Variants in ANO8 observed in about 807,000 individuals in gnomAD.
ANO8 encodes anoctamin-8.
In ANO8, 67 loss-of-function variants were observed where a neutral mutation model predicts 120.4. The ratio of observed to expected loss-of-function variants is 0.56; its 90% CI spans 0.46 to 0.68. The LOEUF (loss-of-function observed/expected upper bound fraction) is 0.68. Among genes scored for constraint, ANO8 ranks in the 30% least tolerant of loss-of-function variants. The pLI, the probability that ANO8 is intolerant of heterozygous loss-of-function variation, is 0.00. For synonymous variants in ANO8, 727 were observed against 759.2 expected (o/e 0.96, Z 0.70); for missense variants, 1,526 against 1,737.6 (o/e 0.88, Z 2.16).
At position 17,323,311 on chromosome 19, in the gene ANO8, CTGTGTGTGTGTGTG is replaced by C. The variant is rs58263758; in HGVS notation, c.*192_*205del. 1,048 of 326,982 alleles carry C rather than the reference CTGTGTGTGTGTGTG, an allele frequency of 3.2e-3. 10 individuals are homozygous for C. The highest frequency in any genetic ancestry group is 0.016 in the African/African-American group (715 of 45,634). 20.3% of individuals were successfully genotyped at this position (326,982 alleles called of 1,614,324 possible). ...AAAAACAAATAAATAATCGCCTGTT[CTGTGTGTGTGTGTG>C]TGTGTGTGTGTGTGTGTGTTTTCTG... On this transcript the variant is annotated 3_prime_UTR_variant, in exon 18 of 18. Coordinates refer to ENST00000159087, the MANE Select transcript of ANO8 (RefSeq NM_020959.3).
chr19:17,323,988 A>T (rs1270922456), intron 17 of ANO8, 104 bp from the exon 18 acceptor site: 1 of 1,024,118 alleles, frequency 9.8e-7, no homozygotes, highest in Non-Finnish European at 1.2e-6. Context: ...AGGCACATAA[A>T]GGCCTTATTG....
At chr19:17,330,100 C>T in intron 10 of ANO8, 25 bp downstream of exon 10, 1 of 1,613,914 alleles carries the variant, frequency 6.2e-7, no homozygotes, top group Non-Finnish European at 8.5e-7. Context: ...GACCTTCCTC[C>T]CAGAGACCCC....
Position 17,328,973 on chromosome 19 carries a change from G to T in ANO8, c.1415C>A (p.Thr472Lys). The change falls in exon 13 of 18, where the codon ACG (threonine) becomes AAG (lysine). Residue 472 changes from threonine (T) to lysine (K), a missense_variant. Physicochemically the swap from Thr to Lys is moderately conservative, Grantham distance 78. Transcript: ENST00000159087. ...GAGGAACTGGCGGGTGATCAGCAGC[G>T]TGGCCAGCATCTGGGGGCAGGAAGG... is the stretch of plus-strand genomic sequence containing the variant. ...DMERLKEMLA[T>K]LLITRQFLQN... The T allele has an allele frequency of 6.7e-7, 1 of 1,499,038 alleles. No individual in the cohort carries two copies. The highest frequency in any genetic ancestry group is 8.9e-7 in the Non-Finnish European group (1 of 1,125,758). The allele number at this position is 1,499,038 out of a possible 1,614,324, so 92.9% of individuals were successfully genotyped here.
chr19:17,323,609 G>A lies in ANO8; in HGVS notation c.3607C>T (p.Pro1203Ser). Residue 1203 changes from proline to serine, a missense_variant, in exon 18 of 18, where the codon CCG becomes TCG. By Grantham distance (74) the Pro-to-Ser change is moderately conservative. Transcript: ENST00000159087. ...SFYSLPPPPL[P>S]PTSDPLETPA... ...GTCTCGAGGGGATCCGAGGTGGGCG[G>A]TAGCGGTGGGGGCGGGAGGCTGTAA... 1 of 1,160,948 alleles carries A rather than the reference G, an allele frequency of 8.6e-7. No individual in the cohort carries two copies. Among genetic ancestry groups the A allele is most frequent in the Non-Finnish European group, 1.1e-6 (1 of 929,012 alleles). The allele number at this position is 1,160,948 out of a possible 1,614,324, so 71.9% of individuals were successfully genotyped here.
rs2074252137 is a variant in ANO8, at chr19:17,323,582, G to C, written c.3634C>G (p.Pro1212Ala). 2 of 1,281,068 alleles carry C rather than the reference G, an allele frequency of 1.6e-6. No homozygotes were observed. Among genetic ancestry groups the C allele is most frequent in the Non-Finnish European group, 2.0e-6 (2 of 1,009,766 alleles). 79.4% of individuals were successfully genotyped at this position (1,281,068 alleles called of 1,614,324 possible). ...GGGCTGGGGCTAGGGGAGGGCGCTG[G>C]GGTCTCGAGGGGATCCGAGGTGGGC... ...LPPTSDPLET[P>A]APSPSPSPSP... The change falls in exon 18 of 18, where the codon CCA becomes GCA. Residue 1212 changes from proline (P) to alanine (A), a missense_variant. Around this residue, in one of 8 missense-constraint regions of ANO8, gnomAD observed 489 missense variants for 548.6 expected, o/e 0.89. Transcript: ENST00000159087.
At chr19:17,328,079 C>A in intron 13 of ANO8, 83 bp downstream of exon 13, 1 of 1,409,466 alleles carries the variant, frequency 7.1e-7, no homozygotes, top group Non-Finnish European at 9.4e-7. Context: ...TCACCACTCC[C>A]ACCCCCACGG....
chr19:17,329,388 C>T (rs530962611), intron 12 of ANO8: 3 of 365,686 alleles, frequency 8.2e-6, no homozygotes, highest in African/African-American at 6.4e-5. Flanking sequence ...CGAGGACCCA[C>T]GGGCTCGCCA....
intron 5 of ANO8, among the ~76,000 whole-genome samples, chr19:17,331,954 T>TTTTA (rs2074322177): frequency 9.4e-6 from 1 of 106,504 alleles, no homozygotes; most frequent in Non-Finnish European, 1.9e-5. Context: ...TTTTTTTTTT[T>TTTTA]AGACGGGGTC....
At chr19:17,331,717 G>A (rs1255095472) in intron 5 of ANO8, among the ~76,000 whole-genome samples, 2 of 150,110 alleles carry the variant, frequency 1.3e-5, no homozygotes, top group Non-Finnish European at 3.0e-5. Flanking sequence ...CGTGATCTCC[G>A]CTCACCGCAA....
intron 16 of ANO8, among the ~76,000 whole-genome samples, chr19:17,326,453 G>A (rs1471964652): frequency 2.0e-5 from 3 of 151,888 alleles, no homozygotes; most frequent in African/African-American, 7.3e-5. Flanking sequence ...CCGAGATTGT[G>A]CCACTGCACT....
At position 17,328,733 on chromosome 19, in the gene ANO8, G is replaced by T; in HGVS notation, c.1655C>A (p.Ala552Glu). Residue 552 changes from alanine (A) to glutamate (E), a missense_variant, in exon 13 of 18, where the codon GCG (alanine) becomes GAG (glutamate). By Grantham distance (107) the Ala-to-Glu change is moderately radical (BLOSUM62 -1). This residue lies in a region of ANO8 where 467 missense variants were observed against 425.8 expected (regional missense o/e 1.10). Transcript: ENST00000159087. The part of the protein sequence containing the change: ...GRRCLSGGCG[A>E]PEEEEEAALV... Reference sequence around the variant, plus strand: ...CGCCGCCTCCTCCTCCTCCTCCGGCGCCCCGCAGCCCCCGCTGAGGCACCT... The same window carrying T: ...CGCCGCCTCCTCCTCCTCCTCCGGCTCCCCGCAGCCCCCGCTGAGGCACCT... 1 of 1,347,852 alleles carries T rather than the reference G, an allele frequency of 7.4e-7. No individual in the cohort carries two copies. Among genetic ancestry groups the T allele is most frequent in the Non-Finnish European group, 9.5e-7 (1 of 1,051,212 alleles). 83.5% of individuals were successfully genotyped at this position (1,347,852 alleles called of 1,614,324 possible).
chr19:17,326,984 G>C (rs1251537510), intron 16 of ANO8, among the ~76,000 whole-genome samples: 1 of 152,166 alleles, frequency 6.6e-6, no homozygotes, highest in Non-Finnish European at 1.5e-5. Flanking sequence ...ACCCAGGCTG[G>C]AGTGCAGTGG....
At chr19:17,327,413 C>T in intron 15 of ANO8, 25 bp downstream of exon 15, 1 of 1,582,310 alleles carries the variant, frequency 6.3e-7, no homozygotes, top group Non-Finnish European at 8.6e-7. Context: ...CTCCCAGCTG[C>T]CCCCGCCCCT....
At chr19:17,329,340 G>T (rs1398025486) in intron 12 of ANO8, 1 of 333,024 alleles carries the variant, frequency 3.0e-6, no homozygotes, top group Non-Finnish European at 5.5e-6. Context: ...TCAGCTCGGC[G>T]CGCCAGGCCC....
At chr19:17,332,097 G>A (rs889941862) in intron 5 of ANO8, among the ~76,000 whole-genome samples, 1 of 150,176 alleles carries the variant, frequency 6.7e-6, no homozygotes, top group Non-Finnish European at 1.5e-5. Context: ...AACCACACTT[G>A]GCTAATTTTT....
rs1223167370 is a variant in ANO8 at position 17,333,804 on chromosome 19, G to T, written c.107-4C>A. 1 of 1,584,050 alleles carries T rather than the reference G, an allele frequency of 6.3e-7. No individual in the cohort carries two copies. The highest frequency in any genetic ancestry group is 8.6e-7 in the Non-Finnish European group (1 of 1,166,806). On this transcript the variant is annotated splice_polypyrimidine_tract_variant and splice_region_variant and intron_variant, in intron 1 of 17. Coordinates refer to ENST00000159087, the MANE Select transcript of ANO8 (RefSeq NM_020959.3). The surrounding 1 kb of genome is among the most constrained non-coding windows in gnomAD (Gnocchi z 7.2). ...AGCCGCTTTCCGAAAAGCTTATCTA[G>T]GGGGCGGCGTAGCAGGCCCGGGTCA...
At position 17,332,973 on chromosome 19, in the gene ANO8, T is replaced by C; in HGVS notation, c.543A>G (p.Gly181=). Residue 181 remains glycine (G), a synonymous_variant, in exon 5 of 18, where the codon GGA becomes GGG. Transcript: ENST00000159087. The part of the protein sequence containing the change: ...FWLQNLRAKQ[G]EALHNVRFLE... ...GGAAGCGCACGTTGTGGAGTGCTTC[T>C]CCCTGCTTGGCACGCAAATTCTGCA... 6.2e-7 allele frequency: 1 copy of C among 1,614,190 alleles called. No homozygotes were observed.
rs1271781377 is a variant in ANO8 at position 17,328,388 on chromosome 19, G to A, written c.2000C>T (p.Pro667Leu). Reference protein sequence around the residue: ...AEEDDEAEGAPGSPEREPPAI... With the variant: ...AEEDDEAEGALGSPEREPPAI... Reference sequence around the variant, plus strand: ...CGGGGGCTCCCGTTCAGGGCTGCCGGGAGCCCCCTCCGCCTCGTCGTCCTC... The same window carrying A: ...CGGGGGCTCCCGTTCAGGGCTGCCGAGAGCCCCCTCCGCCTCGTCGTCCTC... The change falls in exon 13 of 18, where the codon CCC becomes CTC. Residue 667 changes from proline (P) to leucine (L), a missense_variant. Pro to Leu is a moderately conservative substitution (Grantham distance 98, BLOSUM62 -3). Around this residue, in one of 8 missense-constraint regions of ANO8, gnomAD observed 467 missense variants for 425.8 expected, o/e 1.10. Transcript: ENST00000159087. 1 of 1,573,066 alleles carries A rather than the reference G, an allele frequency of 6.4e-7. No individual in the cohort carries two copies. Among genetic ancestry groups the A allele is most frequent in the African/African-American group, 1.3e-5 (1 of 74,364 alleles).
At chr19:17,325,425 A>G (rs1217253538) in intron 16 of ANO8, 39 bp from the exon 17 acceptor site, 2 of 1,537,678 alleles carry the variant, frequency 1.3e-6, no homozygotes, top group African/African-American at 1.4e-5. Context: ...CTAAGAAGAA[A>G]GGGTGTTAGC....
Sources: allele counts gnomAD v4.1 joint callset (sites outside exome capture counted in the v4.1 genomes callset), GRCh38; gene constraint gnomAD v4.1.1; regional missense constraint gnomAD v4.1.1; non-coding constraint Gnocchi (gnomAD v3.1); transcripts MANE v1.5; gene names NCBI Gene and HGNC (gene_info 2026-07-23, HGNC 2026-07-21).